Variants in ZNF782 observed in about 807,000 individuals in gnomAD.
The protein encoded by ZNF782 is zinc finger protein 782.
Under a neutral mutation model 13.0 loss-of-function variants are expected in ZNF782, and 12 were observed. The observed-to-expected ratio is 0.92, with a 90% confidence interval of 0.59 to 1.50. ZNF782 has a LOEUF of 1.50. Ranked by LOEUF, ZNF782 falls within the 40% of genes most tolerant of loss-of-function variation. ZNF782 has a pLI of 0.00. For synonymous variants in ZNF782, 284 were observed against 283.0 expected, an observed-to-expected ratio of 1.00 and a Z score of -0.04; for missense variants, 770 against 822.9, an observed-to-expected ratio of 0.94 and a Z score of 0.79.
chr9:96,911,510 G>GGTTTTTTTTTTTTTTTTTTTTTTTT, the ZNF782 span, among the ~76,000 whole-genome samples: 1 of 109,694 alleles, frequency 9.1e-6, no homozygotes, highest in Non-Finnish European at 1.9e-5. Context: ...TTTTTTTTTT[G>GGTTTTTTTTTTTTTTTTTTTTTTTT]TTTTTGTTTT....
chr9:96,842,615 T>A (rs1851222600), intron 4 of ZNF782, among the ~76,000 whole-genome samples: 1 of 152,066 alleles, frequency 6.6e-6, no homozygotes, highest in South Asian at 2.1e-4. Flanking sequence ...TATTACACAA[T>A]TTTTAAAAAT....
chr9:96,909,579 T>C, the ZNF782 span, among the ~76,000 whole-genome samples: 4 of 151,138 alleles, frequency 2.6e-5, no homozygotes, highest in Admixed American at 2.6e-4. Flanking sequence ...TTGCAACAGA[T>C]GTTACTCTTC....
At chr9:96,851,657 A>G (rs1250365582) in intron 3 of ZNF782, among the ~76,000 whole-genome samples, 1 of 152,210 alleles carries the variant, frequency 6.6e-6, no homozygotes, top group East Asian at 1.9e-4. Flanking sequence ...CCATTATATT[A>G]TTCACAATAT....
At position 96,827,109 on chromosome 9, in the gene ZNF782, T is replaced by C; in HGVS notation, c.215A>G (p.Glu72Gly). 6.2e-7 allele frequency: 1 copy of C among 1,612,288 alleles called. No homozygotes were observed. The highest frequency in any genetic ancestry group is 8.5e-7 in the Non-Finnish European group (1 of 1,179,214). ...GGAGTTCCTGCTTAGAAATCCTTTC[T>C]CTTTCTCTAATAACCATGGATCTTC... ...QGEDPWLLEK[E>G]KGFLSRNSPE... The change falls in exon 5 of 6, where the codon GAG becomes GGG. Residue 72 changes from glutamate to glycine, a missense_variant. Glu to Gly is a moderately conservative substitution (Grantham distance 98). Coordinates refer to ENST00000481138, the MANE Select transcript of ZNF782 (RefSeq NM_001001662.3).
chr9:96,916,467 T>G, the ZNF782 span, among the ~76,000 whole-genome samples: 30 of 151,948 alleles, frequency 2.0e-4, no homozygotes, highest in East Asian at 4.3e-3. Context: ...CCAGCCTGGA[T>G]GGCAGAGTAA....
At chr9:96,907,662 A>T in the ZNF782 span, among the ~76,000 whole-genome samples, 1 of 151,040 alleles carries the variant, frequency 6.6e-6, no homozygotes, top group Non-Finnish European at 1.5e-5. Flanking sequence ...TGTGTAAGAC[A>T]GAGTTTCACT....
chr9:96,859,757 G>C (rs377573145), intron 3 of ZNF782, among the ~76,000 whole-genome samples: 4 of 152,142 alleles, frequency 2.6e-5, no homozygotes, highest in African/African-American at 9.7e-5. Flanking sequence ...AGAGTAAAGA[G>C]GATTTTTCTG....
At position 96,819,299 on chromosome 9, in the gene ZNF782, A is replaced by T; in HGVS notation, c.724T>A (p.Ser242Thr). The change falls in exon 6 of 6, where the codon TCT becomes ACT. Residue 242 changes from serine to threonine, a missense_variant. By Grantham distance (58) the Ser-to-Thr change is moderately conservative. Transcript: ENST00000481138. ...TSNSTHPKGK[S>T]YNFNKFGENK... Reference sequence around the variant, plus strand: ...TCCCCAAATTTATTGAAATTGTAAGATTTTCCTTTTGGGTGGGTACTGTTA... The same window carrying T: ...TCCCCAAATTTATTGAAATTGTAAGTTTTTCCTTTTGGGTGGGTACTGTTA... 6.2e-7 allele frequency: 1 copy of T among 1,612,626 alleles called. No individual in the cohort carries two copies. Among genetic ancestry groups the T allele is most frequent in the Non-Finnish European group, 8.5e-7 (1 of 1,179,624 alleles).
chr9:96,883,601 A>G, the ZNF782 span, among the ~76,000 whole-genome samples: 1 of 152,198 alleles, frequency 6.6e-6, no homozygotes, highest in African/African-American at 2.4e-5. Context: ...AGACACAACC[A>G]ATAGAAGGGA....
chr9:96,818,847 T>G lies in ZNF782; in HGVS notation c.1176A>C (p.Lys392Asn), dbSNP rs1369585185. 5 of 1,613,538 alleles carry G rather than the reference T, an allele frequency of 3.1e-6. No individual in the cohort carries two copies. The African/African-American group carries it at 6.7e-5, about 22-fold the overall frequency. Reference sequence around the variant, plus strand: ...TCCCGCACTCAGGACATTCATAGGGTTTCTCCCCTGTGTGACTTTTCTGAG... The same window carrying G: ...TCCCGCACTCAGGACATTCATAGGGGTTCTCCCCTGTGTGACTTTTCTGAG... ...IWPQKSHTGE[K>N]PYECPECGKA... The change falls in exon 6 of 6, where the codon AAA (lysine) becomes AAC (asparagine). Residue 392 changes from lysine (K) to asparagine (N), a missense_variant. Physicochemically the swap from Lys to Asn is moderately conservative, Grantham distance 94 (BLOSUM62 0). Coordinates refer to ENST00000481138, the MANE Select transcript of ZNF782 (RefSeq NM_001001662.3).
intron 5 of ZNF782, among the ~76,000 whole-genome samples, chr9:96,823,837 G>A (rs1850509663): frequency 6.6e-6 from 1 of 152,118 alleles, no homozygotes; most frequent in South Asian, 2.1e-4. Flanking sequence ...TTATGCCAGG[G>A]ATCTGCATAG....
At chr9:96,888,942 A>G in the ZNF782 span, 2 of 152,302 alleles carry the variant, frequency 1.3e-5, no homozygotes, top group East Asian at 1.9e-4. Flanking sequence ...GTCTCTCTCC[A>G]TGAAATCAGG....
chr9:96,895,950 C>T, the ZNF782 span: 1 of 152,186 alleles, frequency 6.6e-6, no homozygotes, highest in South Asian at 2.1e-4. Flanking sequence ...TCTTGTAGAG[C>T]TTGCAGAGAT....
At chr9:96,874,597 C>G (rs536112078) in intron 1 of ZNF782, among the ~76,000 whole-genome samples, 3 of 152,178 alleles carry the variant, frequency 2.0e-5, no homozygotes, top group Non-Finnish European at 4.4e-5. Flanking sequence ...AATGACATCA[C>G]CAGATCCAGC....
chr9:96,886,004 T>C, the ZNF782 span, among the ~76,000 whole-genome samples: 8 of 151,976 alleles, frequency 5.3e-5, no homozygotes, highest in South Asian at 1.7e-3. Context: ...CATGCCACCA[T>C]GCCCAACTAA....
At chr9:96,932,652 ATTTTT>A in the ZNF782 span, among the ~76,000 whole-genome samples, 1 of 130,150 alleles carries the variant, frequency 7.7e-6, no homozygotes, top group South Asian at 2.6e-4. Context: ...CCAATCCTTA[ATTTTT>A]TTTTTTTTTT....
At chr9:96,907,109 GAA>G in the ZNF782 span, among the ~76,000 whole-genome samples, 13 of 151,796 alleles carry the variant, frequency 8.6e-5, no homozygotes, top group African/African-American at 3.1e-4. Flanking sequence ...AAGGTAGAAG[GAA>G]CCCAAGTGTC....
the ZNF782 span, chr9:96,887,385 T>C: frequency 6.6e-6 from 1 of 151,828 alleles, no homozygotes; most frequent in Non-Finnish European, 1.5e-5. Context: ...AATAACAAAA[T>C]GGCAGACTTC....
the ZNF782 span, among the ~76,000 whole-genome samples, chr9:96,927,778 T>G: frequency 6.6e-6 from 1 of 150,682 alleles, no homozygotes; most frequent in Non-Finnish European, 1.5e-5. Context: ...TTGGTATTCT[T>G]TATTCATACT....
Sources: gnomAD v4.1 joint callset for allele counts (sites outside exome capture counted in the v4.1 genomes callset) on GRCh38, gnomAD v4.1.1 for gene constraint, MANE v1.5 for transcripts, NCBI Gene and HGNC (gene_info 2026-07-23, HGNC 2026-07-21) for gene names.